The following DPY19L3 variants were observed in gnomAD, a reference collection of about 807,000 sequenced individuals.
The protein encoded by DPY19L3 is protein C-mannosyl-transferase DPY19L3.
Under a neutral mutation model 92.3 loss-of-function variants are expected in DPY19L3, and 51 were observed. The ratio of observed to expected loss-of-function variants is 0.55; its 90% confidence interval spans 0.44 to 0.70. DPY19L3 has a LOEUF of 0.70. Among genes scored for constraint, DPY19L3 ranks in the 30% least tolerant of loss-of-function variants. The pLI is 0.00. For missense variants in DPY19L3, 706 were observed against 855.9 expected, an observed-to-expected ratio of 0.82 and a Z score of 2.18; for synonymous variants, 309 against 315.2, an observed-to-expected ratio of 0.98 and a Z score of 0.21.
At chr19:32,436,753 A>G (rs1969154502) in intron 5 of DPY19L3, among the ~76,000 whole-genome samples, 186 bp downstream of exon 5, 1 of 152,214 alleles carries the variant, frequency 6.6e-6, no homozygotes, top group African/African-American at 2.4e-5. Flanking sequence ...CATAGGATAT[A>G]AGGTTTTTGT....
intron 17 of DPY19L3, among the ~76,000 whole-genome samples, chr19:32,479,322 C>T (rs1970604010): frequency 6.6e-6 from 1 of 151,930 alleles, no homozygotes; most frequent in South Asian, 2.1e-4. Context: ...CAGGGGTGGC[C>T]TCTACTGCTT....
At chr19:32,437,106 A>T in intron 5 of DPY19L3, 88 bp from the exon 6 acceptor site, 1 of 1,509,030 alleles carries the variant, frequency 6.6e-7, no homozygotes, top group South Asian at 1.2e-5. Flanking sequence ...AAGCTCCTGC[A>T]TATTGTATTC....
In DPY19L3 at chr19:32,405,881, G is replaced by C. The variant is rs1015502241; in HGVS notation, c.-66G>C. On this transcript the variant is annotated 5_prime_UTR_variant, in exon 1 of 19. Coordinates refer to ENST00000392250, the MANE Select transcript of DPY19L3 (RefSeq NM_001172774.2). ...CCGTCGGCCTCCTTCCCCTCCCGGAGCCGCGCGTGAGGACGGCTGAGGCCG... is the reference window on the plus strand; with the variant it reads ...CCGTCGGCCTCCTTCCCCTCCCGGACCCGCGCGTGAGGACGGCTGAGGCCG... 2 of 152,038 alleles carry C rather than the reference G, an allele frequency of 1.3e-5. No homozygotes were observed. Among genetic ancestry groups the C allele is most frequent in the Non-Finnish European group, 2.9e-5 (2 of 68,040 alleles). 9.4% of individuals were successfully genotyped at this position (152,038 alleles called of 1,614,324 possible). A position where few individuals can be genotyped will look rare whatever the true frequency, so the allele number is the denominator to read the frequency against.
intron 10 of DPY19L3, among the ~76,000 whole-genome samples, chr19:32,456,366 G>C (rs367927809): frequency 6.6e-6 from 1 of 151,724 alleles, no homozygotes; most frequent in African/African-American, 2.4e-5. Context: ...ACCATGCCCA[G>C]CTGTCAGTAT....
intron 3 of DPY19L3, among the ~76,000 whole-genome samples, chr19:32,416,101 G>A (rs2145414223): frequency 6.6e-6 from 1 of 152,312 alleles, no homozygotes; most frequent in Non-Finnish European, 1.5e-5. Flanking sequence ...TATGAGTGAT[G>A]AGGAGAAGGT....
chr19:32,472,734 AAGAT>A (rs1239688129), intron 16 of DPY19L3, among the ~76,000 whole-genome samples: 4 of 152,190 alleles, frequency 2.6e-5, no homozygotes, highest in African/African-American at 9.6e-5. Flanking sequence ...TTTTGCAAAT[AAGAT>A]AGGCATATCT....
intron 8 of DPY19L3, among the ~76,000 whole-genome samples, chr19:32,452,754 C>T (rs1219943376): frequency 2.0e-5 from 3 of 152,030 alleles, no homozygotes; most frequent in East Asian, 1.9e-4. Context: ...AGTGTAGTGG[C>T]GCATTCTCGG....
At chr19:32,451,764 C>T (rs1014215258) in intron 8 of DPY19L3, among the ~76,000 whole-genome samples, 1 of 152,106 alleles carries the variant, frequency 6.6e-6, no homozygotes, top group Non-Finnish European at 1.5e-5. Context: ...ATCAACCTAT[C>T]AATAAGTTTC....
rs377222587 is a variant in DPY19L3 at position 32,447,308 on chromosome 19, G to A, written c.856-5837G>A. ...TAGAAAAGACAGAAAGTCTGAAATC[G>A]GTCATCCAAGCTCTCACCTTAAAAA... On this transcript the variant is annotated intron_variant, in intron 8 of 18. Coordinates refer to ENST00000392250, the MANE Select transcript of DPY19L3 (RefSeq NM_001172774.2). 7.9e-5 allele frequency among the ~76,000 whole-genome samples: 12 copies of A among 152,186 alleles called. No individual in the cohort carries two copies. The South Asian group carries it at 1.5e-3, about 18-fold the overall frequency.
intron 8 of DPY19L3, among the ~76,000 whole-genome samples, chr19:32,447,092 A>G (rs770159144): frequency 7.9e-5 from 12 of 152,230 alleles, no homozygotes; most frequent in Non-Finnish European, 1.3e-4. Context: ...TAAGCTCACT[A>G]TTACATCTAT....
At chr19:32,417,109 A>G (rs1304230086) in intron 3 of DPY19L3, among the ~76,000 whole-genome samples, 1 of 152,228 alleles carries the variant, frequency 6.6e-6, no homozygotes, top group Non-Finnish European at 1.5e-5. Flanking sequence ...TCTCCCAGGA[A>G]CTGGGGACAA....
chr19:32,411,668 G>C (rs917845540), intron 3 of DPY19L3: 4 of 360,366 alleles, frequency 1.1e-5, no homozygotes, highest in African/African-American at 8.4e-5. Flanking sequence ...CGCAGGTTCA[G>C]GTGATTCTTC....
chr19:32,484,296 A>G lies in DPY19L3; in HGVS notation c.*2056A>G, dbSNP rs1459773349. The G allele has an allele frequency of 6.6e-6, 1 of 152,618 alleles. No individual in the cohort carries two copies. Among genetic ancestry groups the G allele is most frequent in the Non-Finnish European group, 1.5e-5 (1 of 68,032 alleles). 9.5% of individuals were successfully genotyped at this position (152,618 alleles called of 1,614,324 possible). A position where few individuals can be genotyped will look rare whatever the true frequency, so the allele number is the denominator to read the frequency against. ...TTCCTGATGACCAAATCTCTCAACG[A>G]ATCATGTTATTAATAAATATTTTTA... On this transcript the variant is annotated 3_prime_UTR_variant, in exon 19 of 19. Coordinates refer to ENST00000392250, the MANE Select transcript of DPY19L3 (RefSeq NM_001172774.2).
At chr19:32,439,488 A>G (rs914085773) in intron 7 of DPY19L3, among the ~76,000 whole-genome samples, 1 of 152,296 alleles carries the variant, frequency 6.6e-6, no homozygotes, top group Middle Eastern at 3.4e-3. Context: ...CCCACACACA[A>G]TTTCTGCAAA....
At chr19:32,412,959 G>T (rs929744530) in intron 3 of DPY19L3, 6 of 151,690 alleles carry the variant, frequency 4.0e-5, no homozygotes, top group Non-Finnish European at 8.8e-5. Context: ...TTGAGGGGGT[G>T]GTCTGTGACT....
rs557539185 is a variant in DPY19L3, at chr19:32,426,908, G to C, written c.238-5808G>C. 4.6e-5 allele frequency among the ~76,000 whole-genome samples: 7 copies of C among 152,312 alleles called. No individual in the cohort carries two copies. In the South Asian group the frequency reaches 1.2e-3, roughly 27 times the overall value. ...TTGTAAAAATGCATTATCTGCAAAG[G>C]GCGGGAAAGTGAGGCACAGTGAGAT... On this transcript the variant is annotated intron_variant, in intron 3 of 18. Transcript: ENST00000392250.
intron 4 of DPY19L3, among the ~76,000 whole-genome samples, chr19:32,433,141 AAC>A (rs1300164224): frequency 6.6e-6 from 1 of 152,150 alleles, no homozygotes; most frequent in Non-Finnish European, 1.5e-5. Context: ...GCATTTTGGT[AAC>A]ACAAATGAAA....
At position 32,468,723 on chromosome 19, in the gene DPY19L3, A is replaced by G. The variant is rs754323734; in HGVS notation, c.1615-8A>G. The stretch of plus-strand genomic sequence containing the variant: ...TTTGTTTTTGTTTTGTTTTGTTTTT[A>G]ATTTCAGTTCTGGCCAGGAATGATG... On this transcript the variant is annotated splice_polypyrimidine_tract_variant and splice_region_variant and intron_variant, in intron 15 of 18. Coordinates refer to ENST00000392250, the MANE Select transcript of DPY19L3 (RefSeq NM_001172774.2). 3.1e-6 allele frequency: 5 copies of G among 1,613,112 alleles called. No homozygotes were observed. The highest frequency in any genetic ancestry group is 1.1e-5 in the South Asian group (1 of 90,948).
At chr19:32,427,937 T>C (rs1157553272) in intron 3 of DPY19L3, 1 of 151,978 alleles carries the variant, frequency 6.6e-6, no homozygotes, top group Non-Finnish European at 1.5e-5. Flanking sequence ...AGCAGTCTAA[T>C]TATTTTGGGG....
Sources: gnomAD v4.1 joint callset for allele counts (sites outside exome capture counted in the v4.1 genomes callset) on GRCh38, gnomAD v4.1.1 for gene constraint, MANE v1.5 for transcripts, NCBI Gene and HGNC (gene_info 2026-07-23, HGNC 2026-07-21) for gene names.